The following MYO5B variants were observed in gnomAD, a reference collection of about 807,000 sequenced individuals.
MYO5B encodes unconventional myosin-Vb.
Under a neutral mutation model 229.3 loss-of-function variants are expected in MYO5B, and 143 were observed. The ratio of observed to expected loss-of-function variants is 0.62; its 90% CI spans 0.54 to 0.72. The LOEUF is 0.72. MYO5B is among the 30% of genes least tolerant of loss of function. MYO5B has a pLI of 0.00. For missense variants in MYO5B, 2,321 were observed against 2,331.0 expected, an observed-to-expected ratio of 1.00 and a Z score of 0.09; for synonymous variants, 918 against 885.2, an observed-to-expected ratio of 1.04 and a Z score of -0.66.
chr18:49,952,531 G>A (rs962626545), intron 14 of MYO5B, among the ~76,000 whole-genome samples: 1 of 152,174 alleles, frequency 6.6e-6, no homozygotes, highest in Non-Finnish European at 1.5e-5. Context: ...TAGAAGGGGA[G>A]CAACCAGAGT....
chr18:49,972,202 C>T (rs1173347447), intron 10 of MYO5B, among the ~76,000 whole-genome samples: 4 of 152,288 alleles, frequency 2.6e-5, no homozygotes, highest in East Asian at 3.9e-4. Context: ...GCCATCCTTG[C>T]GATCTATTTC....
chr18:50,014,921 G>A (rs770804631), intron 4 of MYO5B, among the ~76,000 whole-genome samples: 30 of 152,286 alleles, frequency 2.0e-4, no homozygotes, highest in Non-Finnish European at 4.4e-4. Context: ...TGCCTAGCAC[G>A]TCTAAGACAA....
chr18:50,154,560 T>C (rs1032948853), intron 1 of MYO5B, among the ~76,000 whole-genome samples: 7 of 152,358 alleles, frequency 4.6e-5, no homozygotes, highest in African/African-American at 1.2e-4. Flanking sequence ...ATCCTGCTTC[T>C]ATTCCACAGA....
At chr18:49,967,638 G>T (rs1446432064) in intron 10 of MYO5B, among the ~76,000 whole-genome samples, 1 of 152,132 alleles carries the variant, frequency 6.6e-6, no homozygotes, top group East Asian at 1.9e-4. Flanking sequence ...TAAAAGCAGG[G>T]CCATCATGCA....
chr18:50,157,502 C>T (rs1177472840), intron 1 of MYO5B, among the ~76,000 whole-genome samples: 1 of 152,196 alleles, frequency 6.6e-6, no homozygotes, highest in African/African-American at 2.4e-5. Flanking sequence ...ACCTTTCTTC[C>T]AGTTCCTCCA....
intron 22 of MYO5B, among the ~76,000 whole-genome samples, chr18:49,882,489 G>T (rs1321923130): frequency 6.6e-6 from 1 of 151,776 alleles, no homozygotes; most frequent in Non-Finnish European, 1.5e-5. Flanking sequence ...TTAGTTGGGC[G>T]TGGTGGTGCG....
intron 10 of MYO5B, among the ~76,000 whole-genome samples, chr18:49,964,080 T>C (rs1264213215): frequency 2.0e-5 from 3 of 152,344 alleles, no homozygotes; most frequent in East Asian, 3.9e-4. Flanking sequence ...ATTAGTTTTG[T>C]GACAAATTCT....
intron 1 of MYO5B, chr18:50,064,218 G>T (rs2030762494): frequency 1.3e-5 from 2 of 153,244 alleles, no homozygotes; most frequent in African/African-American, 4.8e-5. Context: ...ACATTCTTTG[G>T]AGACTGTGAA....
intron 1 of MYO5B, among the ~76,000 whole-genome samples, chr18:50,108,478 T>C (rs941586731): frequency 6.6e-6 from 1 of 152,236 alleles, no homozygotes; most frequent in African/African-American, 2.4e-5. Flanking sequence ...GTGTTTCTCC[T>C]ATGTTTTTAA....
chr18:49,982,935 A>G (rs777367984), intron 8 of MYO5B, among the ~76,000 whole-genome samples: 5 of 152,154 alleles, frequency 3.3e-5, no homozygotes, highest in Admixed American at 1.3e-4. Flanking sequence ...TCCTCTCCTT[A>G]TATCAGCTTG....
chr18:50,006,034 TGA>T (rs1349829432), intron 4 of MYO5B, among the ~76,000 whole-genome samples: 1 of 152,244 alleles, frequency 6.6e-6, no homozygotes, highest in Non-Finnish European at 1.5e-5. Flanking sequence ...ACCTGCCGTG[TGA>T]CTTTGGGTTG....
chr18:50,173,087 AC>A (rs2032941904), intron 1 of MYO5B, among the ~76,000 whole-genome samples: 1 of 151,924 alleles, frequency 6.6e-6, no homozygotes, highest in Non-Finnish European at 1.5e-5. Context: ...AACACGGCGA[AC>A]CCCGTCGCTA....
chr18:49,901,266 A>G (rs1256134225), intron 21 of MYO5B, among the ~76,000 whole-genome samples: 1 of 152,218 alleles, frequency 6.6e-6, no homozygotes, highest in Non-Finnish European at 1.5e-5. Flanking sequence ...GGTCTTCTGA[A>G]GGGAAGGAGG....
intron 1 of MYO5B, among the ~76,000 whole-genome samples, chr18:50,147,146 C>A (rs1456812352): frequency 6.6e-6 from 1 of 152,168 alleles, no homozygotes; most frequent in African/African-American, 2.4e-5. Flanking sequence ...TGTCCAAAAG[C>A]TCACAGGCCA....
rs1008092005 is a variant in MYO5B at position 50,111,151 on chromosome 18, A to G, written c.28-55773T>C. Among the ~76,000 whole-genome samples the G allele has an allele frequency of 5.9e-5, 9 of 152,334 alleles. No homozygotes were observed. The South Asian group carries it at 1.5e-3, about 25-fold the overall frequency. On this transcript the variant is annotated intron_variant, in intron 1 of 39. Transcript: ENST00000285039. ...TGCTCAGATTAGCTCAAAGATTACT[A>G]GAGTGGGAACAGAGGCTGTGTCAAC...
At chr18:49,828,909 A>G (rs1176272732) in intron 39 of MYO5B, among the ~76,000 whole-genome samples, 1 of 148,298 alleles carries the variant, frequency 6.7e-6, no homozygotes, top group Non-Finnish European at 1.5e-5. Context: ...AAATGTCTAC[A>G]TTAAAAAAAA....
chr18:50,104,329 CAT>C (rs2031716406), intron 1 of MYO5B, among the ~76,000 whole-genome samples: 1 of 148,232 alleles, frequency 6.7e-6, no homozygotes, highest in Non-Finnish European at 1.5e-5. Context: ...GGAACATCCT[CAT>C]ATTCTTTGAA....
At chr18:50,014,885 G>A (rs2026200741) in intron 4 of MYO5B, among the ~76,000 whole-genome samples, 1 of 152,180 alleles carries the variant, frequency 6.6e-6, no homozygotes, top group South Asian at 2.1e-4. Flanking sequence ...GCTCCCTTGA[G>A]GGACTGATGC....
At chr18:49,852,013 C>T (rs888972048) in intron 31 of MYO5B, among the ~76,000 whole-genome samples, 8 of 152,148 alleles carry the variant, frequency 5.3e-5, no homozygotes, top group Non-Finnish European at 1.0e-4. Context: ...CCTCCTTGCC[C>T]GGCCAGCAGC....
Sources: allele counts gnomAD v4.1 joint callset (sites outside exome capture counted in the v4.1 genomes callset), GRCh38; gene constraint gnomAD v4.1.1; transcripts MANE v1.5; gene names NCBI Gene and HGNC (gene_info 2026-07-23, HGNC 2026-07-21).